WDHD1: variants seen among roughly 807,000 people sequenced by gnomAD.
The protein encoded by WDHD1 is WD repeat and HMG-box DNA binding protein 1, also known as WD repeat and HMG-box DNA-binding protein 1.
Under a neutral mutation model 135.4 loss-of-function variants are expected in WDHD1, and 111 were observed. That is an observed-to-expected ratio of 0.82 (90% CI 0.70 to 0.96). The LOEUF (loss-of-function observed/expected upper bound fraction) is 0.96. Among genes scored for constraint, WDHD1 ranks in the 40% least tolerant of loss-of-function variants. The probability of loss-of-function intolerance (pLI) is 0.00; values close to 1 mark genes in which losing one functional copy is unlikely to be tolerated. For missense variants in WDHD1, 1,351 were observed against 1,336.3 expected (o/e 1.01, Z -0.17); for synonymous variants, 434 against 439.0 (o/e 0.99, Z 0.14).
chr14:54,985,590 G>A (rs1244404022), intron 14 of WDHD1, among the ~76,000 whole-genome samples: 1 of 152,192 alleles, frequency 6.6e-6, no homozygotes, highest in Non-Finnish European at 1.5e-5. Context: ...GTGAAGGAAA[G>A]TCAGAGGGAT....
At chr14:55,004,548 G>A (rs1407458723) in intron 7 of WDHD1, among the ~76,000 whole-genome samples, 1 of 152,122 alleles carries the variant, frequency 6.6e-6, no homozygotes, top group Non-Finnish European at 1.5e-5. Context: ...CGCCTCCTGG[G>A]TTCAAGCAAT....
intron 25 of WDHD1, among the ~76,000 whole-genome samples, chr14:54,943,722 G>C (rs1055636482): frequency 2.0e-5 from 3 of 152,090 alleles, no homozygotes; most frequent in Admixed American, 6.6e-5. Context: ...TTTAACAAAT[G>C]CATCTTTTCT....
At chr14:54,999,372 T>C (rs2041942382) in intron 10 of WDHD1, among the ~76,000 whole-genome samples, 1 of 152,174 alleles carries the variant, frequency 6.6e-6, no homozygotes, top group African/African-American at 2.4e-5. Context: ...GTACCCAGCT[T>C]TGAACACAGA....
intron 2 of WDHD1, among the ~76,000 whole-genome samples, chr14:55,018,585 T>C (rs527735796): frequency 2.6e-5 from 4 of 152,252 alleles, no homozygotes; most frequent in East Asian, 1.9e-4. Context: ...GACCCTATTA[T>C]TGAAGAAGTG....
rs544010069 is a variant in WDHD1 at position 55,025,286 on chromosome 14, C to G, written c.77+1425G>C. Among the ~76,000 whole-genome samples, 8 of 149,752 alleles carry G rather than the reference C, an allele frequency of 5.3e-5. No individual in the cohort carries two copies. The East Asian group carries it at 1.6e-3, about 30-fold the overall frequency. On this transcript the variant is annotated intron_variant, in intron 2 of 25. Transcript: ENST00000360586. ...CCCTCTCCCCACAATTGTCTTGTGACCCTGACACATCCCCCTCTTCGAGAA... is the reference window on the plus strand; with the variant it reads ...CCCTCTCCCCACAATTGTCTTGTGAGCCTGACACATCCCCCTCTTCGAGAA...
intron 7 of WDHD1, 49 bp downstream of exon 7, chr14:55,007,231 T>C: frequency 2.8e-6 from 3 of 1,053,082 alleles, no homozygotes; most frequent in Non-Finnish European, 3.8e-6. Flanking sequence ...CCATCTCTAA[T>C]AAAAAAAAAA....
chr14:55,004,576 C>T (rs556656394), intron 7 of WDHD1, among the ~76,000 whole-genome samples: 84 of 152,096 alleles, frequency 5.5e-4, no homozygotes, highest in Non-Finnish European at 1.0e-3. Flanking sequence ...CCTGAGACTC[C>T]CAAGTAGCTG....
intron 24 of WDHD1, among the ~76,000 whole-genome samples, chr14:54,953,023 CAGA>C (rs1566706987): frequency 6.6e-6 from 1 of 151,988 alleles, no homozygotes; most frequent in East Asian, 1.9e-4. Context: ...ATAAAAACCC[CAGA>C]AGAAAACCTA....
chr14:54,963,956 A>T (rs2041299308), intron 18 of WDHD1, among the ~76,000 whole-genome samples: 2 of 146,802 alleles, frequency 1.4e-5, no homozygotes, highest in Admixed American at 1.4e-4. Context: ...TACAAAAAAT[A>T]AATTAGCTGG....
At chr14:55,007,224 T>C in intron 7 of WDHD1, 56 bp downstream of exon 7, 6 of 1,291,526 alleles carry the variant, frequency 4.6e-6, no homozygotes, top group Non-Finnish European at 6.3e-6. Context: ...TGAGACTCCA[T>C]CTCTAATAAA....
chr14:54,953,860 A>C (rs2041105223), intron 24 of WDHD1, among the ~76,000 whole-genome samples: 2 of 152,144 alleles, frequency 1.3e-5, no homozygotes, highest in African/African-American at 4.8e-5. Context: ...TTCTCAGCAA[A>C]CTATCTCAAG....
At position 54,939,978 on chromosome 14, in the gene WDHD1, T is replaced by C. The variant is rs192701189; in HGVS notation, c.*1512A>G. 6.6e-6 allele frequency: 1 copy of C among 152,180 alleles called. No individual in the cohort carries two copies. The highest frequency in any genetic ancestry group is 6.5e-5 in the Admixed American group (1 of 15,278). 9.4% of individuals were successfully genotyped at this position (152,180 alleles called of 1,614,324 possible). On this transcript the variant is annotated 3_prime_UTR_variant, in exon 26 of 26. Coordinates refer to ENST00000360586, the MANE Select transcript of WDHD1 (RefSeq NM_007086.4). ...TTTCCAATGTACTATAAATAAACCT[T>C]TACTTAAGATCTTGAAATCAAAATT... is the stretch of plus-strand genomic sequence containing the variant.
chr14:54,953,467 A>T (rs2041097302), intron 24 of WDHD1, among the ~76,000 whole-genome samples: 1 of 152,188 alleles, frequency 6.6e-6, no homozygotes. Context: ...AAATGTCAGG[A>T]AACAACAGGT....
At position 55,013,497 on chromosome 14, in the gene WDHD1, T is replaced by C; in HGVS notation, c.177A>G (p.Ser59=). 1 of 1,612,836 alleles carries C rather than the reference T, an allele frequency of 6.2e-7. No individual in the cohort carries two copies. Among genetic ancestry groups the C allele is most frequent in the Non-Finnish European group, 8.5e-7 (1 of 1,178,934 alleles). Residue 59 remains serine (S), a synonymous_variant, in exon 3 of 26, where the codon TCA becomes TCG. Coordinates refer to ENST00000360586, the MANE Select transcript of WDHD1 (RefSeq NM_007086.4). ...CTGTTTTTACTACCTTCAAAGCACA[T>C]GAATATGCCTTTTCTCCAACATTAA... ...KFINVGEKAY[S]CALKSGKLVT...
chr14:55,008,031 A>G (rs2042101660), intron 6 of WDHD1, among the ~76,000 whole-genome samples: 1 of 152,254 alleles, frequency 6.6e-6, no homozygotes, highest in Non-Finnish European at 1.5e-5. Context: ...TGGTCATTAC[A>G]TTGTAAATAT....
At chr14:54,966,754 T>C (rs904439781) in intron 17 of WDHD1, 148 bp from the exon 18 acceptor site, 6 of 983,032 alleles carry the variant, frequency 6.1e-6, no homozygotes, top group East Asian at 2.9e-5. Flanking sequence ...TAAATTCTAG[T>C]GTGATACTAC....
rs374544869 is a variant in WDHD1, at chr14:54,941,506, G to T, written c.3374C>A (p.Ala1125Glu). ...FSTNQKLSAF[A>E]FKQE is the part of the protein sequence containing the mutation. ...TTTCTTCCTTTACTCCTGCTTAAAT[G>T]CAAAAGCTGATAGTTTCTGATTTGT... The change falls in exon 26 of 26, where the codon GCA (alanine) becomes GAA (glutamate). Residue 1125 changes from alanine (A) to glutamate (E), a missense_variant. This residue lies in a region of WDHD1 where 1,330 missense variants were observed against 1,296.1 expected (regional missense o/e 1.03). Coordinates refer to ENST00000360586, the MANE Select transcript of WDHD1 (RefSeq NM_007086.4). The T allele has an allele frequency of 6.2e-7, 1 of 1,611,046 alleles. No homozygotes were observed. The highest frequency in any genetic ancestry group is 1.7e-5 in the Admixed American group (1 of 59,716).
Position 54,962,492 on chromosome 14 carries a change from T to C in WDHD1, c.2701+6A>G, listed in dbSNP as rs768506864. Reference sequence around the variant, plus strand: ...TTGATATTACAAATTTATAAATATTTCTCACCTGACTTAGCTGAAACATCA... The same window carrying C: ...TTGATATTACAAATTTATAAATATTCCTCACCTGACTTAGCTGAAACATCA... On this transcript the variant is annotated splice_donor_region_variant and intron_variant, in intron 21 of 25. Coordinates refer to ENST00000360586, the MANE Select transcript of WDHD1 (RefSeq NM_007086.4). 1.9e-6 allele frequency: 3 copies of C among 1,605,090 alleles called. No individual in the cohort carries two copies. Among genetic ancestry groups the C allele is most frequent in the South Asian group, 2.2e-5 (2 of 90,248 alleles).
At chr14:54,996,595 G>A (rs1392606088) in intron 10 of WDHD1, among the ~76,000 whole-genome samples, 4 of 152,052 alleles carry the variant, frequency 2.6e-5, no homozygotes, top group Non-Finnish European at 5.9e-5. Context: ...GTGAGACCCT[G>A]TCTCAAAATA....
Sources: gnomAD v4.1 joint callset for allele counts (sites outside exome capture counted in the v4.1 genomes callset) on GRCh38, gnomAD v4.1.1 for gene constraint, gnomAD v4.1.1 regional missense constraint, MANE v1.5 for transcripts, NCBI Gene and HGNC (gene_info 2026-07-23, HGNC 2026-07-21) for gene names.